The following TM9SF3 variants were observed in gnomAD, a reference collection of about 807,000 sequenced individuals.
TM9SF3 encodes transmembrane 9 superfamily member 3, also known as SM-11044-binding protein.
In TM9SF3, 14 loss-of-function variants were observed where a neutral mutation model predicts 78.6. The ratio of observed to expected loss-of-function variants is 0.18; its 90% CI spans 0.12 to 0.28. The LOEUF (loss-of-function observed/expected upper bound fraction) is 0.28, where lower values mean the gene tolerates loss of function less well. Among genes scored for constraint, TM9SF3 ranks in the 10% least tolerant of loss-of-function variants. The pLI, the probability that TM9SF3 is intolerant of heterozygous loss-of-function variation, is 1.00. For synonymous variants in TM9SF3, 231 were observed against 241.7 expected, an observed-to-expected ratio of 0.96 and a Z score of 0.41; for missense variants, 496 against 721.9, an observed-to-expected ratio of 0.69 and a Z score of 3.59.
intron 9 of TM9SF3, among the ~76,000 whole-genome samples, chr10:96,541,223 TTG>T (rs1564930923): frequency 2.0e-5 from 3 of 152,158 alleles, no homozygotes; most frequent in Non-Finnish European, 4.4e-5. Flanking sequence ...AGAAAAGACT[TTG>T]TGTCTAAAAC....
chr10:96,532,567 A>G (rs1340505294), intron 10 of TM9SF3, among the ~76,000 whole-genome samples: 1 of 152,212 alleles, frequency 6.6e-6, no homozygotes, highest in South Asian at 2.1e-4. Context: ...TGTACACTAA[A>G]TTGTACAGTA....
intron 2 of TM9SF3, among the ~76,000 whole-genome samples, chr10:96,567,188 G>A (rs535000494): frequency 1.3e-5 from 2 of 148,556 alleles, no homozygotes; most frequent in South Asian, 2.2e-4. Context: ...AGGTTCAAGC[G>A]ATTCTCCTGC....
intron 5 of TM9SF3, among the ~76,000 whole-genome samples, chr10:96,553,368 T>C (rs1478947427): frequency 6.6e-6 from 1 of 152,204 alleles, no homozygotes; most frequent in Admixed American, 6.5e-5. Flanking sequence ...CAGCATTACA[T>C]GGAAAAAACA....
rs973115353 is a variant in TM9SF3 at position 96,527,567 on chromosome 10, A to G, written c.1542-71T>C. On this transcript the variant is annotated intron_variant, in intron 12 of 14. Coordinates refer to ENST00000371142, the MANE Select transcript of TM9SF3 (RefSeq NM_020123.4). ...GGCACTAAAACAAAGATTTTAAAGC[A>G]AAGAATTTAATAAAACATCCTTTAA... 4 of 1,246,466 alleles carry G rather than the reference A, an allele frequency of 3.2e-6. No homozygotes were observed. In the Admixed American group the frequency reaches 8.9e-5, roughly 28 times the overall value. The allele number at this position is 1,246,466 out of a possible 1,614,324, so 77.2% of individuals were successfully genotyped here.
intron 1 of TM9SF3, among the ~76,000 whole-genome samples, chr10:96,581,756 GT>G: frequency 6.6e-6 from 1 of 152,242 alleles, no homozygotes; most frequent in South Asian, 2.1e-4. Context: ...ATTTGCCAAA[GT>G]AAATCAAACA....
At chr10:96,566,155 G>A (rs1848367053) in intron 2 of TM9SF3, among the ~76,000 whole-genome samples, 1 of 152,048 alleles carries the variant, frequency 6.6e-6, no homozygotes, top group Non-Finnish European at 1.5e-5. Context: ...TACTAAACAT[G>A]TCAATCAAAA....
intron 3 of TM9SF3, among the ~76,000 whole-genome samples, chr10:96,563,862 T>C (rs938590740): frequency 1.3e-5 from 2 of 151,186 alleles, no homozygotes; most frequent in East Asian, 1.9e-4. Context: ...GGATTCTCCA[T>C]GGTTCAGACA....
intron 2 of TM9SF3, among the ~76,000 whole-genome samples, chr10:96,566,166 G>T (rs920952032): frequency 3.3e-5 from 5 of 152,032 alleles, no homozygotes; most frequent in African/African-American, 9.7e-5. Context: ...TCAATCAAAA[G>T]AAGTTGTTTT....
intron 1 of TM9SF3, among the ~76,000 whole-genome samples, chr10:96,582,165 C>G (rs1476419056): frequency 6.6e-6 from 1 of 152,024 alleles, no homozygotes; most frequent in East Asian, 1.9e-4. Context: ...CATAAAAATT[C>G]AAGGCTACAG....
At chr10:96,579,349 A>G (rs371675241) in intron 1 of TM9SF3, among the ~76,000 whole-genome samples, 1 of 152,374 alleles carries the variant, frequency 6.6e-6, no homozygotes, top group South Asian at 2.1e-4. Flanking sequence ...CAGAAATGTT[A>G]TAAATGTAAC....
At chr10:96,570,001 A>G (rs1848422173) in intron 2 of TM9SF3, among the ~76,000 whole-genome samples, 1 of 152,222 alleles carries the variant, frequency 6.6e-6, no homozygotes, top group Non-Finnish European at 1.5e-5. Context: ...CCAGCCTAGC[A>G]ACAGAGCGAG....
In TM9SF3 at chr10:96,567,662, A is replaced by G. The variant is rs547253983; in HGVS notation, c.299-2236T>C. 3.4e-4 allele frequency among the ~76,000 whole-genome samples: 52 copies of G among 152,244 alleles called. No individual in the cohort carries two copies. The Middle Eastern group carries it at 0.02, about 60-fold the overall frequency. ...CCCACTCCCATACCTCCCTTATGGC[A>G]TGTAGGCCTGTACCATTTTCTACCT... On this transcript the variant is annotated intron_variant, in intron 2 of 14. Transcript: ENST00000371142.
At chr10:96,565,974 G>A (rs1848364800) in intron 2 of TM9SF3, among the ~76,000 whole-genome samples, 1 of 152,244 alleles carries the variant, frequency 6.6e-6, no homozygotes, top group Admixed American at 6.5e-5. Context: ...AAACATCACT[G>A]TTTATAAATT....
intron 14 of TM9SF3, among the ~76,000 whole-genome samples, chr10:96,524,134 A>G (rs2134127402): frequency 6.6e-6 from 1 of 151,984 alleles, no homozygotes; most frequent in Non-Finnish European, 1.5e-5. Context: ...CTCACTATAT[A>G]TAGTATTGTC....
intron 5 of TM9SF3, among the ~76,000 whole-genome samples, chr10:96,558,727 G>C (rs920602914): frequency 2.0e-5 from 3 of 151,886 alleles, no homozygotes; most frequent in African/African-American, 7.3e-5. Flanking sequence ...AGTAGTGATA[G>C]GTTCCGGTAG....
chr10:96,532,102 C>T lies in TM9SF3; in HGVS notation c.1325+949G>A, dbSNP rs528354018. On this transcript the variant is annotated intron_variant, in intron 10 of 14. Coordinates refer to ENST00000371142, the MANE Select transcript of TM9SF3 (RefSeq NM_020123.4). Reference sequence around the variant, plus strand: ...GCGGGCACCTGTAGTCCCAGTTACTCGGGAGGCTGAGGCGGAAGAATGGCA... The same window carrying T: ...GCGGGCACCTGTAGTCCCAGTTACTTGGGAGGCTGAGGCGGAAGAATGGCA... Among the ~76,000 whole-genome samples, 57 of 151,774 alleles carry T rather than the reference C, an allele frequency of 3.8e-4. No homozygotes were observed. The Middle Eastern group carries it at 0.021, about 55-fold the overall frequency.
intron 14 of TM9SF3, among the ~76,000 whole-genome samples, chr10:96,524,420 A>G (rs923109353): frequency 6.6e-6 from 1 of 151,916 alleles, no homozygotes; most frequent in Non-Finnish European, 1.5e-5. Flanking sequence ...AGCATCAAAA[A>G]TTTTAATGGT....
At chr10:96,549,687 C>T (rs1482501092) in intron 7 of TM9SF3, among the ~76,000 whole-genome samples, 1 of 151,972 alleles carries the variant, frequency 6.6e-6, no homozygotes, top group Non-Finnish European at 1.5e-5. Context: ...AAACACAACA[C>T]AGAAAAACCA....
intron 7 of TM9SF3, among the ~76,000 whole-genome samples, chr10:96,549,225 C>A (rs1435143617): frequency 2.0e-5 from 3 of 152,150 alleles, no homozygotes; most frequent in African/African-American, 7.2e-5. Flanking sequence ...CTATAGTGAC[C>A]ACAGAGGCAA....
Sources: allele counts gnomAD v4.1 joint callset (sites outside exome capture counted in the v4.1 genomes callset), GRCh38; gene constraint gnomAD v4.1.1; transcripts MANE v1.5; gene names NCBI Gene and HGNC (gene_info 2026-07-23, HGNC 2026-07-21).